The following EMCN variants were observed in gnomAD, a reference collection of about 807,000 sequenced individuals.
The protein encoded by EMCN is MUC-14.
EMCN carries 37 observed loss-of-function variants against 38.4 expected under a neutral mutation model. That is an observed-to-expected ratio of 0.96 (90% CI 0.74 to 1.27). The LOEUF is 1.27. Among genes scored for constraint, EMCN ranks in the 50% most tolerant of loss-of-function variants. The probability of loss-of-function intolerance (pLI) is 0.00; values close to 1 mark genes in which losing one functional copy is unlikely to be tolerated. For missense variants in EMCN, 318 were observed against 302.8 expected, an observed-to-expected ratio of 1.05 and a Z score of -0.37; for synonymous variants, 95 against 100.8, an observed-to-expected ratio of 0.94 and a Z score of 0.35.
At chr4:100,422,360 G>A (rs1178112240) in intron 7 of EMCN, among the ~76,000 whole-genome samples, 1 of 152,026 alleles carries the variant, frequency 6.6e-6, no homozygotes, top group Non-Finnish European at 1.5e-5. Context: ...TTATTTAATG[G>A]AATGGGTTTA....
intron 1 of EMCN, among the ~76,000 whole-genome samples, chr4:100,504,619 A>G (rs1729431942): frequency 6.6e-6 from 1 of 152,232 alleles, no homozygotes; most frequent in Non-Finnish European, 1.5e-5. Flanking sequence ...CCAGAAGACA[A>G]GAGTGTGAGC....
At chr4:100,445,796 A>C (rs1254490408) in intron 5 of EMCN, among the ~76,000 whole-genome samples, 1 of 152,138 alleles carries the variant, frequency 6.6e-6, no homozygotes, top group African/African-American at 2.4e-5. Context: ...TTCCTGATTT[A>C]GTCTTTAGCT....
chr4:100,510,412 C>G (rs1729596354), intron 1 of EMCN, among the ~76,000 whole-genome samples: 1 of 152,120 alleles, frequency 6.6e-6, no homozygotes, highest in Admixed American at 6.6e-5. Flanking sequence ...GAAAAATTTT[C>G]AGATGCTCAT....
At chr4:100,457,129 T>C (rs1425573216) in intron 4 of EMCN, among the ~76,000 whole-genome samples, 1 of 152,058 alleles carries the variant, frequency 6.6e-6, no homozygotes, top group Non-Finnish European at 1.5e-5. Context: ...TCAGGGTATA[T>C]CCTTTTTCAC....
At chr4:100,517,110 G>A (rs1729778242) in intron 1 of EMCN, among the ~76,000 whole-genome samples, 1 of 151,974 alleles carries the variant, frequency 6.6e-6, no homozygotes, top group Non-Finnish European at 1.5e-5. Flanking sequence ...ACTCAGGAAG[G>A]GTTAAAAGTC....
intron 4 of EMCN, among the ~76,000 whole-genome samples, chr4:100,454,557 C>G (rs1277361150): frequency 6.6e-6 from 1 of 152,034 alleles, no homozygotes; most frequent in Non-Finnish European, 1.5e-5. Flanking sequence ...ATTTTTTTAG[C>G]AAGAATATAA....
rs79082251 is a variant in EMCN, at chr4:100,491,765, C to G, written c.65-11726G>C. Among the ~76,000 whole-genome samples, 973 of 152,308 alleles carry G rather than the reference C, an allele frequency of 6.4e-3. 9 individuals carry two copies. Among genetic ancestry groups the G allele is most frequent in the African/African-American group, 0.022 (924 of 41,558 alleles). ...CAGTGGTCTTGCCACATAGCAGAGC[C>G]CAGCCAGCTGCCTCACCCAAATTAA... On this transcript the variant is annotated intron_variant, in intron 1 of 11. Coordinates refer to ENST00000296420, the MANE Select transcript of EMCN (RefSeq NM_016242.4).
chr4:100,400,135 G>C (rs1726215779), intron 11 of EMCN, among the ~76,000 whole-genome samples: 1 of 152,158 alleles, frequency 6.6e-6, no homozygotes, highest in African/African-American at 2.4e-5. Flanking sequence ...GCTGTTTATA[G>C]TGAAGGACAA....
At chr4:100,475,158 A>G (rs1204615679) in intron 2 of EMCN, 49 bp from the exon 3 acceptor site, 5 of 955,150 alleles carry the variant, frequency 5.2e-6, no homozygotes, top group Non-Finnish European at 7.7e-6. Flanking sequence ...ATCTCATGTT[A>G]TCTGTCAATA....
chr4:100,467,965 A>T (rs1265352267), intron 3 of EMCN, among the ~76,000 whole-genome samples: 3 of 152,174 alleles, frequency 2.0e-5, no homozygotes, highest in Admixed American at 1.3e-4. Context: ...CACAAACATA[A>T]TTTTTCTGGA....
At position 100,513,600 on chromosome 4, in the gene EMCN, G is replaced by A. The variant is rs916152741; in HGVS notation, c.64+4251C>T. Among the ~76,000 whole-genome samples, 8 of 152,038 alleles carry A rather than the reference G, an allele frequency of 5.3e-5. No individual in the cohort carries two copies. In the South Asian group the frequency reaches 6.2e-4, roughly 12 times the overall value. On this transcript the variant is annotated intron_variant, in intron 1 of 11. Transcript: ENST00000296420. The stretch of plus-strand genomic sequence containing the variant: ...CTGTTTAGATATTCTTCCCCAAAGT[G>A]GTTATAGTTTGAGAGCTGGCTAACC...
intron 1 of EMCN, among the ~76,000 whole-genome samples, chr4:100,504,782 G>T (rs1329343872): frequency 6.6e-6 from 1 of 152,204 alleles, no homozygotes; most frequent in Non-Finnish European, 1.5e-5. Flanking sequence ...CTGAGAAAGG[G>T]AATCTCCCTT....
At chr4:100,446,929 A>G (rs965986260) in intron 5 of EMCN, among the ~76,000 whole-genome samples, 1 of 152,180 alleles carries the variant, frequency 6.6e-6, no homozygotes, top group Non-Finnish European at 1.5e-5. Context: ...GAGATTTGTC[A>G]TTTGTATAAG....
intron 1 of EMCN, among the ~76,000 whole-genome samples, chr4:100,491,400 A>G (rs1455827825): frequency 6.6e-6 from 1 of 152,100 alleles, no homozygotes. Context: ...CAAGGGAGGG[A>G]GATGACCATC....
intron 5 of EMCN, among the ~76,000 whole-genome samples, chr4:100,426,378 T>C (rs542798153): frequency 6.6e-6 from 1 of 152,220 alleles, no homozygotes; most frequent in South Asian, 2.1e-4. Context: ...GATTCCCTGA[T>C]GGTCTTGCTG....
intron 1 of EMCN, among the ~76,000 whole-genome samples, chr4:100,492,176 T>G (rs1420735460): frequency 6.6e-6 from 1 of 151,774 alleles, no homozygotes; most frequent in African/African-American, 2.4e-5. Flanking sequence ...AATGAAACAA[T>G]ACAATACACA....
chr4:100,430,430 C>G (rs564861930), intron 5 of EMCN, among the ~76,000 whole-genome samples: 3 of 152,116 alleles, frequency 2.0e-5, no homozygotes, highest in Non-Finnish European at 4.4e-5. Flanking sequence ...ATCAAAAAGG[C>G]ATTTTTTCTT....
chr4:100,432,269 T>C (rs1458369942), intron 5 of EMCN, among the ~76,000 whole-genome samples: 2 of 150,602 alleles, frequency 1.3e-5, no homozygotes, highest in East Asian at 3.9e-4. Flanking sequence ...AAAACCAGCC[T>C]TTTTTTTTCA....
chr4:100,422,649 G>C (rs1384636811), intron 7 of EMCN, among the ~76,000 whole-genome samples: 1 of 151,626 alleles, frequency 6.6e-6, no homozygotes, highest in Non-Finnish European at 1.5e-5. Context: ...TGATAATTTG[G>C]AAATAATTCA....
Sources: gnomAD v4.1 joint callset for allele counts (sites outside exome capture counted in the v4.1 genomes callset) on GRCh38, gnomAD v4.1.1 for gene constraint, MANE v1.5 for transcripts, NCBI Gene and HGNC (gene_info 2026-07-23, HGNC 2026-07-21) for gene names.